Variants in ARMC2 observed in about 807,000 individuals in gnomAD.
The protein encoded by ARMC2 is armadillo repeat-containing protein 2.
ARMC2 carries 67 observed loss-of-function variants against 90.3 expected under a neutral mutation model. That is an observed-to-expected ratio of 0.74 (90% confidence interval 0.61 to 0.91). The LOEUF is 0.91. Among genes scored for constraint, ARMC2 ranks in the 40% least tolerant of loss-of-function variants. ARMC2 has a pLI of 0.00. For synonymous variants in ARMC2, 393 were observed against 393.0 expected (o/e 1.00, Z 0.00); for missense variants, 920 against 1,030.9 (o/e 0.89, Z 1.47).
chr6:108,875,469 C>A (rs1294714930), intron 4 of ARMC2, among the ~76,000 whole-genome samples: 3 of 152,122 alleles, frequency 2.0e-5, no homozygotes, highest in African/African-American at 7.2e-5. Context: ...TACCTTAGAG[C>A]CTCCATACCA....
chr6:108,898,058 T>C (rs1771771351), intron 6 of ARMC2, among the ~76,000 whole-genome samples: 1 of 152,140 alleles, frequency 6.6e-6, no homozygotes, highest in African/African-American at 2.4e-5. Flanking sequence ...GAGATAACCA[T>C]TGTTACCCCA....
chr6:108,947,175 G>A (rs6568553), intron 12 of ARMC2, among the ~76,000 whole-genome samples: 4,839 of 152,206 alleles, frequency 0.032, 269 homozygotes, highest in African/African-American at 0.11. Context: ...AACATTTTGA[G>A]ATGACAGAGT....
At chr6:108,898,452 T>C (rs1771820186) in intron 6 of ARMC2, among the ~76,000 whole-genome samples, 2 of 152,296 alleles carry the variant, frequency 1.3e-5, no homozygotes, top group South Asian at 4.1e-4. Flanking sequence ...AAGTGCCGGA[T>C]AAAGGACTTA....
the ARMC2 span, chr6:108,992,872 G>A: frequency 6.2e-7 from 1 of 1,612,746 alleles, no homozygotes; most frequent in Non-Finnish European, 8.5e-7. Context: ...ACGAGATACA[G>A]CTCTTGCTGG....
the ARMC2 span, chr6:108,992,701 G>A: frequency 3.6e-6 from 3 of 834,768 alleles, no homozygotes; most frequent in South Asian, 4.2e-5. Flanking sequence ...ACTTAGCATA[G>A]TTCTCAAATC....
At chr6:109,052,863 A>C in the ARMC2 span, among the ~76,000 whole-genome samples, 3 of 152,204 alleles carry the variant, frequency 2.0e-5, no homozygotes, top group Non-Finnish European at 4.4e-5. Flanking sequence ...AATCCAGACT[A>C]AGTACTGAGA....
intron 5 of ARMC2, among the ~76,000 whole-genome samples, chr6:108,885,435 G>T (rs895474125): frequency 6.6e-6 from 1 of 151,918 alleles, no homozygotes; most frequent in Non-Finnish European, 1.5e-5. Context: ...GGCTGGACAC[G>T]GTAACTCACA....
At chr6:108,992,038 A>C in the ARMC2 span, among the ~76,000 whole-genome samples, 1 of 152,162 alleles carries the variant, frequency 6.6e-6, no homozygotes, top group Non-Finnish European at 1.5e-5. Context: ...GATGTCTTCA[A>C]TTTCTAATCT....
intron 11 of ARMC2, among the ~76,000 whole-genome samples, chr6:108,931,907 G>A (rs1298788772): frequency 2.0e-5 from 3 of 151,782 alleles, no homozygotes; most frequent in Non-Finnish European, 4.4e-5. Flanking sequence ...GGGATTACAG[G>A]CATGCACCAC....
chr6:108,935,439 T>G (rs1184045692), intron 11 of ARMC2, among the ~76,000 whole-genome samples: 4 of 152,060 alleles, frequency 2.6e-5, no homozygotes, highest in African/African-American at 9.7e-5. Context: ...ATTTATAAGT[T>G]TTTTTGTTTT....
chr6:108,898,037 C>G (rs1303430535), intron 6 of ARMC2, among the ~76,000 whole-genome samples: 1 of 152,006 alleles, frequency 6.6e-6, no homozygotes, highest in Non-Finnish European at 1.5e-5. Flanking sequence ...TAATCCTAAT[C>G]CCAATATTTA....
At chr6:109,041,346 A>C in the ARMC2 span, among the ~76,000 whole-genome samples, 8 of 152,220 alleles carry the variant, frequency 5.3e-5, no homozygotes, top group South Asian at 4.1e-4. Flanking sequence ...ATAAAATTGC[A>C]ACATAAAAAT....
rs989751470 is a variant in ARMC2 at position 108,881,816 on chromosome 6, A to G, written c.671+5466A>G. Among the ~76,000 whole-genome samples the G allele has an allele frequency of 2.6e-5, 4 of 152,304 alleles. No individual in the cohort carries two copies. In the South Asian group the frequency reaches 8.3e-4, roughly 32 times the overall value. ...CCTGCTCCACACAAACCAAGGGAACATATACTCCCAGGTCAGCAAAGGTAA... is the reference window on the plus strand; with the variant it reads ...CCTGCTCCACACAAACCAAGGGAACGTATACTCCCAGGTCAGCAAAGGTAA... On this transcript the variant is annotated intron_variant, in intron 5 of 17. Coordinates refer to ENST00000392644, the MANE Select transcript of ARMC2 (RefSeq NM_032131.6).
chr6:109,049,302 C>T, the ARMC2 span, among the ~76,000 whole-genome samples: 2 of 151,258 alleles, frequency 1.3e-5, no homozygotes, highest in Admixed American at 6.6e-5. Context: ...TATGTTCTCA[C>T]TCATATGTGA....
rs1217429993 is a variant in ARMC2, at chr6:108,890,141, G to GATC, written c.672-4325_672-4323dup. Among the ~76,000 whole-genome samples the GATC allele has an allele frequency of 3.1e-5, 4 of 128,758 alleles. 1 individual carries two copies. In the East Asian group the frequency reaches 7.6e-4, roughly 25 times the overall value. The allele number at this position is 128,758 out of a possible 152,430, so 84.5% of individuals were successfully genotyped here. A position where few individuals can be genotyped will look rare whatever the true frequency, so the allele number is the denominator to read the frequency against. On this transcript the variant is annotated intron_variant, in intron 5 of 17. Coordinates refer to ENST00000392644, the MANE Select transcript of ARMC2 (RefSeq NM_032131.6). ...GGAGGCGGAGCTTGCAGTGAGCCGA[G>GATC]ATCCCGCCACTGCACTCCAGCCTGG... is the stretch of plus-strand genomic sequence containing the variant.
rs551701520 is a variant in ARMC2, at chr6:108,934,469, A to G, written c.1497-2431A>G. Among the ~76,000 whole-genome samples the G allele has an allele frequency of 2.0e-4, 31 of 152,116 alleles. 1 individual carries two copies. The South Asian group carries it at 6.4e-3, about 32-fold the overall frequency. ...TTGACCTGTATTTTTCTCTTCTCAT[A>G]TTGTCCTTGTCTGGGTTTAGTGTAA... On this transcript the variant is annotated intron_variant, in intron 11 of 17. Coordinates refer to ENST00000392644, the MANE Select transcript of ARMC2 (RefSeq NM_032131.6).
chr6:108,988,496 G>A, the ARMC2 span: 47 of 1,530,398 alleles, frequency 3.1e-5, no homozygotes, highest in South Asian at 4.0e-4. Flanking sequence ...AGGAGACTAC[G>A]AATCATTGCT....
chr6:109,003,259 T>C, the ARMC2 span, among the ~76,000 whole-genome samples: 1 of 151,286 alleles, frequency 6.6e-6, no homozygotes, highest in African/African-American at 2.4e-5. Context: ...CCTTCACTCA[T>C]ATATATTATA....
the ARMC2 span, among the ~76,000 whole-genome samples, chr6:108,981,763 G>A: frequency 6.6e-6 from 1 of 151,972 alleles, no homozygotes; most frequent in Non-Finnish European, 1.5e-5. Context: ...CGCTTCCCGG[G>A]TTCAAGTGAT....
Sources: gnomAD v4.1 joint callset for allele counts (sites outside exome capture counted in the v4.1 genomes callset) on GRCh38, gnomAD v4.1.1 for gene constraint, MANE v1.5 for transcripts, NCBI Gene and HGNC (gene_info 2026-07-23, HGNC 2026-07-21) for gene names.